HMCN2: variants seen among roughly 807,000 people sequenced by gnomAD.
The protein encoded by HMCN2 is hemicentin-2.
HMCN2 carries 325 observed loss-of-function variants against 377.5 expected under a neutral mutation model. The observed-to-expected ratio is 0.86, with a 90% confidence interval of 0.79 to 0.94. HMCN2 has a LOEUF of 0.94. Ranked by LOEUF, HMCN2 falls within the 40% of genes least tolerant of loss-of-function variation. HMCN2 has a pLI of 0.00. For missense variants in HMCN2, 4,543 were observed against 4,725.3 expected (o/e 0.96, Z 1.13); for synonymous variants, 2,007 against 2,046.8 (o/e 0.98, Z 0.53).
intron 8 of HMCN2, among the ~76,000 whole-genome samples, chr9:130,299,587 CCACCCACCCATTCATCCACTCATG>C: frequency 6.6e-6 from 1 of 151,636 alleles, no homozygotes; most frequent in East Asian, 2.0e-4. Context: ...ACCCACCCAT[CCACCCACCCATTCATCCACTCATG>C]CACCCACCCA....
Position 130,299,058 on chromosome 9 carries a change from G to T in HMCN2, c.1046G>T (p.Gly349Val), listed in dbSNP as rs1031854342. 2 of 470,970 alleles carry T rather than the reference G, an allele frequency of 4.2e-6. No individual in the cohort carries two copies. The highest frequency in any genetic ancestry group is 1.5e-5 in the South Asian group (1 of 64,550). The allele number at this position is 470,970 out of a possible 1,614,324, so 29.2% of individuals were successfully genotyped here. Residue 349 changes from glycine to valine, a missense_variant, in exon 8 of 98, where the codon GGC becomes GTC. Gly to Val is a moderately radical substitution (Grantham distance 109). Transcript: ENST00000683500. ...VPISLVINST[G>V]LKAPGRLDSV... ...ATCTCCCTGGTGATCAATTCCACGG[G>T]CCTGAAGGCACCCGGCCGCCTAGAC...
chr9:130,289,981 G>A (rs905176031), intron 4 of HMCN2, among the ~76,000 whole-genome samples: 1 of 152,192 alleles, frequency 6.6e-6, no homozygotes, highest in Non-Finnish European at 1.5e-5. Context: ...AGGATCCTCG[G>A]GGATGATTTA....
chr9:130,359,539 C>A (rs553552140), intron 37 of HMCN2, 125 bp downstream of exon 37: 1 of 379,674 alleles, frequency 2.6e-6, no homozygotes, highest in South Asian at 2.2e-5. Context: ...CTTTCCCCCC[C>A]GTTTCTCTCA....
intron 4 of HMCN2, among the ~76,000 whole-genome samples, chr9:130,292,947 G>A (rs1835865781): frequency 6.7e-6 from 1 of 149,506 alleles, no homozygotes; most frequent in Non-Finnish European, 1.5e-5. Context: ...ATTGCTTCTG[G>A]ATCAATTGCT....
At chr9:130,367,245 A>G (rs936510174) in intron 43 of HMCN2, among the ~76,000 whole-genome samples, 2 of 152,132 alleles carry the variant, frequency 1.3e-5, no homozygotes, top group Non-Finnish European at 1.5e-5. Flanking sequence ...GACATCTGCT[A>G]AATACCTAGT....
chr9:130,425,915 C>G lies in HMCN2; in HGVS notation c.13870C>G (p.Leu4624Val), dbSNP rs1435591623. Residue 4624 changes from leucine to valine, a missense_variant, in exon 90 of 98, where the codon CTG (leucine) becomes GTG (valine). Coordinates refer to ENST00000683500, the MANE Select transcript of HMCN2 (RefSeq NM_001291815.2). ...EALRFQLATA[L>V]QAEENEVGCP... ...CCTGCGCTTCCAGCTCGCTACAGCC[C>G]TGCAGGCGGGTGAGGCCCCTCTGCT... 5 of 1,547,766 alleles carry G rather than the reference C, an allele frequency of 3.2e-6. No homozygotes were observed. Among genetic ancestry groups the G allele is most frequent in the African/African-American group, 1.4e-5 (1 of 73,116 alleles).
At chr9:130,305,418 G>A (rs1235719445) in intron 11 of HMCN2, among the ~76,000 whole-genome samples, 3 of 152,198 alleles carry the variant, frequency 2.0e-5, no homozygotes, top group African/African-American at 2.4e-5. Flanking sequence ...CTAGATGGGG[G>A]TGGAGGAGGC....
chr9:130,375,324 T>C (rs1363055802), intron 49 of HMCN2, among the ~76,000 whole-genome samples: 1 of 151,996 alleles, frequency 6.6e-6, no homozygotes, highest in Non-Finnish European at 1.5e-5. Flanking sequence ...GAGGCAAAAA[T>C]TATTCAGCTT....
chr9:130,269,602 A>G (rs576734651), intron 1 of HMCN2, among the ~76,000 whole-genome samples: 20 of 148,622 alleles, frequency 1.3e-4, no homozygotes, highest in African/African-American at 4.1e-4. Context: ...TTCTAATTCA[A>G]AAATGGAAAA....
Position 130,385,558 on chromosome 9 carries a change from A to G in HMCN2, c.9107-2A>G. 1 of 1,303,698 alleles carries G rather than the reference A, an allele frequency of 7.7e-7. No homozygotes were observed. Among genetic ancestry groups the G allele is most frequent in the Non-Finnish European group, 1.0e-6 (1 of 988,530 alleles). 80.8% of individuals were successfully genotyped at this position (1,303,698 alleles called of 1,614,324 possible). A position where few individuals can be genotyped will look rare whatever the true frequency, so the allele number is the denominator to read the frequency against. On this transcript the variant is annotated splice_acceptor_variant, in intron 59 of 97. Transcript: ENST00000683500. LOFTEE classifies it high-confidence loss of function. ...CCTCACTCTGCTATCTCCTGCCCCC[A>G]GTTCCCCCGGCCTTCAGGCAGGCTC...
In HMCN2 at chr9:130,272,849, C is replaced by T. The variant is rs137976941; in HGVS notation, c.259+6712C>T. On this transcript the variant is annotated intron_variant, in intron 1 of 97. Coordinates refer to ENST00000683500, the MANE Select transcript of HMCN2 (RefSeq NM_001291815.2). ...CTGGGATTACAGGCCTGAACCACTG[C>T]GCCTGGCCGAGCATCTTCTTTTTAT... 7.7e-3 allele frequency among the ~76,000 whole-genome samples: 1,170 copies of T among 152,332 alleles called. 8 individuals carry two copies. The highest frequency in any genetic ancestry group is 0.01 in the Middle Eastern group (3 of 294).
chr9:130,381,031 C>A (rs115285168), intron 54 of HMCN2, among the ~76,000 whole-genome samples: 291 of 152,250 alleles, frequency 1.9e-3, no homozygotes, highest in African/African-American at 6.8e-3. Context: ...AACTGCCCCC[C>A]AGTCCTGCCC....
chr9:130,367,367 G>GAGGA (rs993552814), intron 43 of HMCN2, among the ~76,000 whole-genome samples: 2 of 152,158 alleles, frequency 1.3e-5, no homozygotes, highest in African/African-American at 2.4e-5. Context: ...GACAGAGAGG[G>GAGGA]AGGAAGCAAT....
intron 22 of HMCN2, among the ~76,000 whole-genome samples, chr9:130,333,912 A>G (rs1387166355): frequency 1.3e-5 from 2 of 152,090 alleles, no homozygotes; most frequent in Non-Finnish European, 2.9e-5. Context: ...ACCAAGAGAA[A>G]TAAGACGGAT....
intron 15 of HMCN2, among the ~76,000 whole-genome samples, chr9:130,315,178 C>T (rs1837467155): frequency 9.0e-6 from 1 of 111,118 alleles, no homozygotes; most frequent in African/African-American, 3.6e-5. Flanking sequence ...GAGCTCCTTC[C>T]TCCCTTCCTC....
In HMCN2 at chr9:130,351,389, C is replaced by T; in HGVS notation, c.4431-34C>T. The stretch of plus-strand genomic sequence containing the variant: ...AGCGTGTCCCATCCAGCCCCTCGGC[C>T]TTACTGGCGCTTTTCCCTTGCCCGT... On this transcript the variant is annotated intron_variant, in intron 29 of 97. Coordinates refer to ENST00000683500, the MANE Select transcript of HMCN2 (RefSeq NM_001291815.2). The surrounding 1 kb of genome is among the most constrained non-coding windows in gnomAD (Gnocchi z 5.4). The T allele has an allele frequency of 7.8e-7, 1 of 1,288,276 alleles. No homozygotes were observed. Among genetic ancestry groups the T allele is most frequent in the Non-Finnish European group, 1.0e-6 (1 of 977,690 alleles). The allele number at this position is 1,288,276 out of a possible 1,614,324, so 79.8% of individuals were successfully genotyped here.
In HMCN2 at chr9:130,303,622, G is replaced by A. The variant is rs1352890194; in HGVS notation, c.1543+14G>A. The A allele has an allele frequency of 3.8e-6, 1 of 263,884 alleles. No individual in the cohort carries two copies. Among genetic ancestry groups the A allele is most frequent in the African/African-American group, 2.3e-5 (1 of 42,840 alleles). The allele number at this position is 263,884 out of a possible 1,614,324, so 16.3% of individuals were successfully genotyped here. On this transcript the variant is annotated intron_variant, in intron 10 of 97. Transcript: ENST00000683500. The surrounding 1 kb of genome is among the most constrained non-coding windows in gnomAD (Gnocchi z 5.2). ...TTGTTGTCACAGGTCTGTCCCTTGGGGCCCCTCCATGTACCCCTTCCTTAC... is the reference window on the plus strand; with the variant it reads ...TTGTTGTCACAGGTCTGTCCCTTGGAGCCCCTCCATGTACCCCTTCCTTAC...
intron 11 of HMCN2, 42 bp downstream of exon 11, chr9:130,305,044 G>A (rs1836774487): frequency 2.2e-6 from 1 of 451,746 alleles, no homozygotes; most frequent in Non-Finnish European, 4.7e-6. Flanking sequence ...AATTCAACAC[G>A]TGACCTGGTG....
intron 55 of HMCN2, 102 bp from the exon 56 acceptor site, chr9:130,382,577 T>A: frequency 9.7e-6 from 3 of 310,388 alleles, no homozygotes; most frequent in Non-Finnish European, 1.4e-5. Flanking sequence ...GGCATGAGGA[T>A]CCCGACCAGC....
Sources: allele counts gnomAD v4.1 joint callset (sites outside exome capture counted in the v4.1 genomes callset), GRCh38; gene constraint gnomAD v4.1.1; non-coding constraint Gnocchi (gnomAD v3.1); transcripts MANE v1.5; gene names NCBI Gene and HGNC (gene_info 2026-07-23, HGNC 2026-07-21).